Variants in JARID2 observed in about 807,000 individuals in gnomAD.
JARID2 encodes protein Jumonji.
A neutral mutation model predicts 125.6 loss-of-function variants in JARID2; 21 were observed. The ratio of observed to expected loss-of-function variants is 0.17; its 90% CI spans 0.12 to 0.24. JARID2 has a LOEUF of 0.24. JARID2 is among the 10% of genes least tolerant of loss of function. JARID2 has a pLI of 1.00. For synonymous variants in JARID2, 736 were observed against 661.6 expected, an observed-to-expected ratio of 1.11 and a Z score of -1.73; for missense variants, 1,303 against 1,639.6, an observed-to-expected ratio of 0.79 and a Z score of 3.55.
chr6:15,294,701 C>T (rs1016548632), intron 1 of JARID2, among the ~76,000 whole-genome samples: 3 of 152,096 alleles, frequency 2.0e-5, no homozygotes, highest in Non-Finnish European at 4.4e-5. Flanking sequence ...CTTGCTCTGT[C>T]GGGAGTCAAG....
intron 1 of JARID2, among the ~76,000 whole-genome samples, chr6:15,322,751 T>C (rs1259731759): frequency 6.6e-6 from 1 of 152,214 alleles, no homozygotes; most frequent in African/African-American, 2.4e-5. Context: ...GGTGATGTTT[T>C]GTATGAGAAG....
chr6:15,271,005 C>G (rs1439171168), intron 1 of JARID2, among the ~76,000 whole-genome samples: 1 of 152,090 alleles, frequency 6.6e-6, no homozygotes, highest in Non-Finnish European at 1.5e-5. Flanking sequence ...CTTTGCTTTC[C>G]CACAGTTGTT....
At chr6:15,500,375 A>G (rs1770674187) in intron 7 of JARID2, among the ~76,000 whole-genome samples, 1 of 152,076 alleles carries the variant, frequency 6.6e-6, no homozygotes, top group East Asian at 1.9e-4. Context: ...GAGTGGGTGG[A>G]TGGGTGAAGT....
At chr6:15,456,780 G>A (rs2127651716) in intron 4 of JARID2, among the ~76,000 whole-genome samples, 1 of 147,876 alleles carries the variant, frequency 6.8e-6, no homozygotes, top group Middle Eastern at 3.7e-3. Flanking sequence ...ATTAAAACCT[G>A]TATTTCAGTG....
At position 15,378,741 on chromosome 6, in the gene JARID2, G is replaced by A. The variant is rs1764467476; in HGVS notation, c.181+4489G>A. Among the ~76,000 whole-genome samples, 4 of 152,124 alleles carry A rather than the reference G, an allele frequency of 2.6e-5. No homozygotes were observed. In the South Asian group the frequency reaches 8.3e-4, roughly 32 times the overall value. ...GATGTTTTGTTTTTTCCCATTTCCA[G>A]CGTTGTTTCTGGATCTTTGATTATT... On this transcript the variant is annotated intron_variant, in intron 2 of 17. Coordinates refer to ENST00000341776, the MANE Select transcript of JARID2 (RefSeq NM_004973.4).
chr6:15,387,629 A>G (rs559152576), intron 2 of JARID2, among the ~76,000 whole-genome samples: 6 of 152,178 alleles, frequency 3.9e-5, no homozygotes, highest in Non-Finnish European at 7.3e-5. Context: ...CATGGTGACA[A>G]TTTTATTCCA....
intron 1 of JARID2, among the ~76,000 whole-genome samples, chr6:15,294,006 A>G (rs1439688141): frequency 6.6e-6 from 1 of 152,090 alleles, no homozygotes; most frequent in Non-Finnish European, 1.5e-5. Flanking sequence ...TGACATTGCC[A>G]TTTTCCTTTG....
chr6:15,291,950 C>G (rs924276638), intron 1 of JARID2, among the ~76,000 whole-genome samples: 1 of 151,862 alleles, frequency 6.6e-6, no homozygotes, highest in African/African-American at 2.4e-5. Context: ...TTTTTGAAAC[C>G]TCTCTCATTG....
At chr6:15,387,779 C>T (rs1764844059) in intron 2 of JARID2, among the ~76,000 whole-genome samples, 1 of 152,126 alleles carries the variant, frequency 6.6e-6, no homozygotes, top group Non-Finnish European at 1.5e-5. Context: ...GATGGAGTAA[C>T]TGCTTTTGAC....
intron 12 of JARID2, among the ~76,000 whole-genome samples, chr6:15,509,568 C>T (rs948272425): frequency 1.2e-4 from 19 of 152,200 alleles, no homozygotes; most frequent in African/African-American, 4.3e-4. Flanking sequence ...GGAGCGGGGA[C>T]TGACAGGAGC....
chr6:15,436,671 T>C (rs1055492705), intron 3 of JARID2, among the ~76,000 whole-genome samples: 1 of 152,100 alleles, frequency 6.6e-6, no homozygotes, highest in Non-Finnish European at 1.5e-5. Flanking sequence ...AAAGGGACCA[T>C]GCTCTTCTAT....
chr6:15,257,186 G>A (rs976801969), intron 1 of JARID2, among the ~76,000 whole-genome samples: 3 of 152,138 alleles, frequency 2.0e-5, no homozygotes, highest in African/African-American at 7.2e-5. Context: ...CATGGTAACT[G>A]CAGTAATTGA....
At chr6:15,505,808 C>T (rs531611157) in intron 9 of JARID2, among the ~76,000 whole-genome samples, 116 of 152,382 alleles carry the variant, frequency 7.6e-4, no homozygotes, top group African/African-American at 2.3e-3. Flanking sequence ...TCAGCTGAAC[C>T]GTGGTCTAGG....
At chr6:15,513,201 C>G in intron 15 of JARID2, 38 bp from the exon 16 acceptor site, 3 of 1,554,610 alleles carry the variant, frequency 1.9e-6, no homozygotes, top group Non-Finnish European at 2.6e-6. Flanking sequence ...CATGGCAGGC[C>G]GTCACTAAAG....
intron 1 of JARID2, among the ~76,000 whole-genome samples, chr6:15,311,026 A>G (rs992170160): frequency 2.0e-5 from 3 of 152,176 alleles, no homozygotes; most frequent in Non-Finnish European, 4.4e-5. Flanking sequence ...GGATGCGGGT[A>G]TTTTAGTTCC....
At position 15,361,887 on chromosome 6, in the gene JARID2, G is replaced by GC. The variant is rs200933735; in HGVS notation, c.46-12225dup. ...GTTAAATCTTGTCTTTGGATTGGGA[G>GC]CCCCCTTTTTTTTTTTTTTTTTTTT... On this transcript the variant is annotated intron_variant, in intron 1 of 17. Transcript: ENST00000341776. Among the ~76,000 whole-genome samples, 772 of 144,130 alleles carry GC rather than the reference G, an allele frequency of 5.4e-3. 7 individuals are homozygous for GC. The highest frequency in any genetic ancestry group is 0.019 in the African/African-American group (708 of 38,046). 94.6% of individuals were successfully genotyped at this position (144,130 alleles called of 152,430 possible). A position where few individuals can be genotyped will look rare whatever the true frequency, so the allele number is the denominator to read the frequency against.
At chr6:15,282,507 G>A (rs1760791704) in intron 1 of JARID2, among the ~76,000 whole-genome samples, 1 of 151,462 alleles carries the variant, frequency 6.6e-6, no homozygotes, top group Non-Finnish European at 1.5e-5. Context: ...TTGGGTTGTT[G>A]GTTTCTTTCT....
rs1312877353 is a variant in JARID2, at chr6:15,483,635, TTATC to T, written c.671-3669_671-3666del. On this transcript the variant is annotated intron_variant, in intron 5 of 17. Transcript: ENST00000341776. ...TACTTCATTGTATGGATATACCACT[TTATC>T]TAAATAAATATCAGTTGGATCTTCG... Among the ~76,000 whole-genome samples, 9 of 152,254 alleles carry T rather than the reference TTATC, an allele frequency of 5.9e-5. No individual in the cohort carries two copies. The South Asian group carries it at 8.3e-4, about 14-fold the overall frequency.
chr6:15,407,625 C>G (rs999944771), intron 2 of JARID2, among the ~76,000 whole-genome samples: 1 of 152,196 alleles, frequency 6.6e-6, no homozygotes, highest in Admixed American at 6.5e-5. Context: ...CAATATAGCT[C>G]TTCTTCCTCC....
Sources: allele counts gnomAD v4.1 joint callset (sites outside exome capture counted in the v4.1 genomes callset), GRCh38; gene constraint gnomAD v4.1.1; transcripts MANE v1.5; gene names NCBI Gene and HGNC (gene_info 2026-07-23, HGNC 2026-07-21).